The following ULK4 variants were observed in gnomAD, a reference collection of about 807,000 sequenced individuals.
The protein encoded by ULK4 is unc-51 like kinase 4, also known as inactive serine/threonine-protein kinase ULK4.
In ULK4, 133 loss-of-function variants were observed where a neutral mutation model predicts 160.6. That is an observed-to-expected ratio of 0.83 (90% confidence interval 0.72 to 0.96). The LOEUF (loss-of-function observed/expected upper bound fraction) is 0.96, where lower values mean the gene tolerates loss of function less well. ULK4 is among the 40% of genes least tolerant of loss of function. ULK4 has a pLI of 0.00. For synonymous variants in ULK4, 534 were observed against 539.8 expected, an observed-to-expected ratio of 0.99 and a Z score of 0.15; for missense variants, 1,580 against 1,499.5, an observed-to-expected ratio of 1.05 and a Z score of -0.89.
chr3:41,564,771 G>A (rs1012146216), intron 32 of ULK4, among the ~76,000 whole-genome samples: 1 of 151,894 alleles, frequency 6.6e-6, no homozygotes, highest in African/African-American at 2.4e-5. Flanking sequence ...AAAAGTATTT[G>A]TTTTTTATAA....
chr3:41,706,092 G>A (rs576322720), intron 25 of ULK4, among the ~76,000 whole-genome samples: 2 of 151,726 alleles, frequency 1.3e-5, no homozygotes, highest in African/African-American at 4.8e-5. Context: ...CCTTATCTGC[G>A]CTCCCATGCA....
intron 21 of ULK4, among the ~76,000 whole-genome samples, chr3:41,780,058 T>C (rs1308050306): frequency 6.7e-6 from 1 of 150,168 alleles, no homozygotes; most frequent in Middle Eastern, 3.5e-3. Context: ...TCCAACACTT[T>C]GGAAACACTT....
intron 35 of ULK4, among the ~76,000 whole-genome samples, chr3:41,257,637 A>G (rs1397274420): frequency 6.6e-6 from 1 of 152,020 alleles, no homozygotes; most frequent in East Asian, 1.9e-4. Flanking sequence ...TGTCTCAAAA[A>G]AAAAAAAAAA....
rs200636228 is a variant in ULK4, at chr3:41,566,102, G to A, written c.3149C>T (p.Thr1050Ile). The A allele has an allele frequency of 1.9e-6, 3 of 1,612,958 alleles. No homozygotes were observed. Among genetic ancestry groups the A allele is most frequent in the African/African-American group, 1.3e-5 (1 of 74,812 alleles). The change falls in exon 32 of 37, where the codon ACC becomes ATC. Residue 1050 changes from threonine to isoleucine, a missense_variant. Coordinates refer to ENST00000301831, the MANE Select transcript of ULK4 (RefSeq NM_017886.4). ...LEHQESILGN[T>I]MQSVIALLSN... ...GAGTAATGCAATCACACTTTGCATG[G>A]TATTACCCAGAATGCTCTCCTGATG...
rs79857952 is a variant in ULK4 at position 41,956,588 on chromosome 3, C to T, written c.-48-1781G>A. On this transcript the variant is annotated intron_variant, in intron 1 of 36. Coordinates refer to ENST00000301831, the MANE Select transcript of ULK4 (RefSeq NM_017886.4). Reference sequence around the variant, plus strand: ...TAAATTTTGAGAAGCAAAAGAGAAACATATGCCCCACCTAGACCTTATTAA... The same window carrying T: ...TAAATTTTGAGAAGCAAAAGAGAAATATATGCCCCACCTAGACCTTATTAA... 6.1e-3 allele frequency among the ~76,000 whole-genome samples: 927 copies of T among 152,166 alleles called. 25 individuals are homozygous for T. Among genetic ancestry groups the T allele is most frequent in the East Asian group, 0.058 (302 of 5,186 alleles).
At chr3:41,562,018 A>C (rs1157049517) in intron 32 of ULK4, among the ~76,000 whole-genome samples, 1 of 152,192 alleles carries the variant, frequency 6.6e-6, no homozygotes, top group Non-Finnish European at 1.5e-5. Context: ...ATTTCCCTCT[A>C]AACACTGCTT....
At chr3:41,541,712 GGTT>G (rs2086702501) in intron 32 of ULK4, among the ~76,000 whole-genome samples, 1 of 152,074 alleles carries the variant, frequency 6.6e-6, no homozygotes, top group Non-Finnish European at 1.5e-5. Context: ...CTTGAGCAGT[GGTT>G]TGTAGTTCTC....
chr3:41,895,795 T>A (rs1698131838), intron 15 of ULK4, among the ~76,000 whole-genome samples: 1 of 152,144 alleles, frequency 6.6e-6, no homozygotes, highest in African/African-American at 2.4e-5. Flanking sequence ...ATTCGCTAAA[T>A]GACTGCCCTT....
At chr3:41,749,314 C>A (rs2038534031) in intron 22 of ULK4, among the ~76,000 whole-genome samples, 1 of 152,070 alleles carries the variant, frequency 6.6e-6, no homozygotes, top group Admixed American at 6.6e-5. Context: ...GAAACCCCGT[C>A]CCTACTAAAA....
chr3:41,385,351 G>C (rs2081782105), intron 35 of ULK4, among the ~76,000 whole-genome samples: 1 of 152,140 alleles, frequency 6.6e-6, no homozygotes, highest in Non-Finnish European at 1.5e-5. Flanking sequence ...GCTGTAGAGA[G>C]AGTAGGGAAC....
intron 32 of ULK4, among the ~76,000 whole-genome samples, chr3:41,520,226 C>A (rs868793100): frequency 6.6e-6 from 1 of 152,144 alleles, no homozygotes; most frequent in Admixed American, 6.5e-5. Context: ...CTCCCTCCCC[C>A]CAGCCCCTGG....
chr3:41,721,927 ATTCT>A (rs1394115666), intron 22 of ULK4, among the ~76,000 whole-genome samples: 3 of 152,186 alleles, frequency 2.0e-5, no homozygotes, highest in Non-Finnish European at 2.9e-5. Flanking sequence ...CAATTCCTAG[ATTCT>A]TTCTTTCAGC....
intron 18 of ULK4, among the ~76,000 whole-genome samples, chr3:41,827,016 C>T (rs1053414824): frequency 8.6e-5 from 13 of 150,780 alleles, no homozygotes; most frequent in East Asian, 1.9e-4. Flanking sequence ...CACTGAAAAC[C>T]GCTCCACTAC....
intron 30 of ULK4, among the ~76,000 whole-genome samples, chr3:41,653,387 C>T (rs1451561746): frequency 2.0e-5 from 3 of 152,194 alleles, no homozygotes; most frequent in Admixed American, 2.0e-4. Flanking sequence ...CTGACTGGCC[C>T]TGGTTCTTCC....
intron 17 of ULK4, among the ~76,000 whole-genome samples, chr3:41,863,311 T>C (rs1444921957): frequency 6.6e-6 from 1 of 152,120 alleles, no homozygotes; most frequent in Non-Finnish European, 1.5e-5. Context: ...TTGTCATAAA[T>C]GCTGCCTGAC....
At chr3:41,632,890 T>C (rs2033804708) in intron 30 of ULK4, among the ~76,000 whole-genome samples, 1 of 151,938 alleles carries the variant, frequency 6.6e-6, no homozygotes, top group Non-Finnish European at 1.5e-5. Context: ...TTCTACAGGG[T>C]AGGTACAGCC....
chr3:41,746,961 C>T (rs993876914), intron 22 of ULK4, among the ~76,000 whole-genome samples: 11 of 151,856 alleles, frequency 7.2e-5, no homozygotes, highest in Admixed American at 2.0e-4. Flanking sequence ...AAAACCAAAA[C>T]CAAAAGAAAA....
intron 6 of ULK4, among the ~76,000 whole-genome samples, chr3:41,919,409 C>G (rs1002078060): frequency 3.3e-5 from 5 of 152,130 alleles, no homozygotes; most frequent in Non-Finnish European, 5.9e-5. Context: ...CAAGACCAGC[C>G]TGGCCAACAT....
At chr3:41,281,195 G>A (rs147464682) in intron 35 of ULK4, among the ~76,000 whole-genome samples, 38 of 152,196 alleles carry the variant, frequency 2.5e-4, no homozygotes, top group Non-Finnish European at 4.6e-4. Flanking sequence ...AGGACCAGAC[G>A]GATTCATACC....
Sources: allele counts gnomAD v4.1 joint callset (sites outside exome capture counted in the v4.1 genomes callset), GRCh38; gene constraint gnomAD v4.1.1; transcripts MANE v1.5; gene names NCBI Gene and HGNC (gene_info 2026-07-23, HGNC 2026-07-21).